Variants in USP48 observed in about 807,000 individuals in gnomAD.
USP48 encodes ubiquitin carboxyl-terminal hydrolase 48.
Under a neutral mutation model 150.7 loss-of-function variants are expected in USP48, and 43 were observed. That is an observed-to-expected ratio of 0.29 (90% CI 0.22 to 0.37). The LOEUF is 0.37. Among genes scored for constraint, USP48 ranks in the 10% least tolerant of loss-of-function variants. USP48 has a pLI of 1.00. For synonymous variants in USP48, 396 were observed against 425.9 expected (o/e 0.93, Z 0.86); for missense variants, 813 against 1,249.6 (o/e 0.65, Z 5.27).
At chr1:21,680,741 T>C (rs1469256983) in intron 26 of USP48, 67 bp downstream of exon 26, 2 of 1,436,572 alleles carry the variant, frequency 1.4e-6, no homozygotes, top group African/African-American at 3.0e-5. Flanking sequence ...ATTATAGCCT[T>C]CGCTTTAACA....
At chr1:21,719,423 G>A (rs1216206177) in intron 14 of USP48, among the ~76,000 whole-genome samples, 3 of 151,952 alleles carry the variant, frequency 2.0e-5, no homozygotes, top group Non-Finnish European at 4.4e-5. Flanking sequence ...GAGATAGGAA[G>A]ATCAATACCA....
chr1:21,753,107 T>C lies in USP48; in HGVS notation c.425A>G (p.Gln142Arg). 3 of 1,606,126 alleles carry C rather than the reference T, an allele frequency of 1.9e-6. No individual in the cohort carries two copies. In the South Asian group the frequency reaches 3.4e-5, roughly 18 times the overall value. Residue 142 changes from glutamine to arginine, a missense_variant, in exon 4 of 27, where the codon CAA (glutamine) becomes CGA (arginine). Coordinates refer to ENST00000308271, the MANE Select transcript of USP48 (RefSeq NM_032236.8). ...GIQEEKDYEP[Q>R]TICEHLQYLF... ...GTACTGGAGATGCTCACAAATTGTTTGAGGCTCATAATCTATTAAAACAAA... is the reference window on the plus strand; with the variant it reads ...GTACTGGAGATGCTCACAAATTGTTCGAGGCTCATAATCTATTAAAACAAA...
At position 21,782,947 on chromosome 1, in the gene USP48, C is replaced by T; in HGVS notation, c.11G>A (p.Arg4Gln). 1 of 1,545,232 alleles carries T rather than the reference C, an allele frequency of 6.5e-7. No individual in the cohort carries two copies. The highest frequency in any genetic ancestry group is 1.4e-5 in the African/African-American group (1 of 72,060). Residue 4 changes from arginine to glutamine, a missense_variant, in exon 1 of 27, where the codon CGG (arginine) becomes CAG (glutamine). Transcript: ENST00000308271. MAP[R>Q]LQLEKAAWRW... is the part of the protein sequence containing the mutation. Reference sequence around the variant, plus strand: ...CCAGGCCGCCTTCTCCAGCTGCAGCCGCGGGGCCATGGCCTTGGCCCCAGG... The same window carrying T: ...CCAGGCCGCCTTCTCCAGCTGCAGCTGCGGGGCCATGGCCTTGGCCCCAGG...
intron 8 of USP48, among the ~76,000 whole-genome samples, chr1:21,743,987 C>T (rs2097788008): frequency 6.6e-6 from 1 of 152,064 alleles, no homozygotes; most frequent in Admixed American, 6.6e-5. Flanking sequence ...GGAGCGTCTA[C>T]AAAAGAATCT....
At chr1:21,741,200 A>C (rs1334968766) in intron 8 of USP48, among the ~76,000 whole-genome samples, 1 of 152,238 alleles carries the variant, frequency 6.6e-6, no homozygotes, top group African/African-American at 2.4e-5. Flanking sequence ...ACCAGAAAAG[A>C]TTTTTAAAGA....
At chr1:21,757,529 A>C (rs2097839971) in intron 2 of USP48, 134 bp downstream of exon 2, 1 of 939,156 alleles carries the variant, frequency 1.1e-6, no homozygotes. Flanking sequence ...TTAGAGTCTT[A>C]AGTTCTACTG....
At chr1:21,771,684 C>T (rs1183759364) in intron 1 of USP48, among the ~76,000 whole-genome samples, 1 of 151,888 alleles carries the variant, frequency 6.6e-6, no homozygotes, top group Non-Finnish European at 1.5e-5. Context: ...CTTTGGGAGG[C>T]GAAGGCAGGC....
At chr1:21,737,360 ATCTAG>A (rs2097771001) in intron 8 of USP48, among the ~76,000 whole-genome samples, 1 of 152,234 alleles carries the variant, frequency 6.6e-6, no homozygotes, top group South Asian at 2.1e-4. Context: ...AACTTAAAAA[ATCTAG>A]AATGATACTG....
intron 24 of USP48, among the ~76,000 whole-genome samples, chr1:21,688,479 A>G (rs1417488820): frequency 1.3e-5 from 2 of 151,530 alleles, no homozygotes; most frequent in African/African-American, 4.8e-5. Flanking sequence ...TCAACCTCCC[A>G]AAGTGTTAGG....
chr1:21,689,143 C>A (rs1489649561), intron 24 of USP48, among the ~76,000 whole-genome samples: 1 of 150,108 alleles, frequency 6.7e-6, no homozygotes, highest in Non-Finnish European at 1.5e-5. Context: ...AAAATCTCAG[C>A]AGAGATAGAT....
At chr1:21,726,734 C>G (rs1299277552) in intron 11 of USP48, among the ~76,000 whole-genome samples, 1 of 152,138 alleles carries the variant, frequency 6.6e-6, no homozygotes, top group Non-Finnish European at 1.5e-5. Context: ...GAAAAAGACT[C>G]TAAGTAGGCC....
At chr1:21,688,170 T>C (rs185059044) in intron 24 of USP48, among the ~76,000 whole-genome samples, 1 of 152,266 alleles carries the variant, frequency 6.6e-6, no homozygotes, top group East Asian at 1.9e-4. Context: ...GCGACTAAGT[T>C]AGGCCCTTAG....
At chr1:21,782,094 C>T (rs1467879614) in intron 1 of USP48, 1 of 152,180 alleles carries the variant, frequency 6.6e-6, no homozygotes, top group Admixed American at 6.6e-5. Flanking sequence ...TTGGCCAAGT[C>T]AATTTCAACA....
intron 24 of USP48, among the ~76,000 whole-genome samples, chr1:21,688,023 G>A (rs1440108920): frequency 1.3e-5 from 2 of 152,154 alleles, no homozygotes; most frequent in Admixed American, 6.5e-5. Context: ...ACCAGAACGG[G>A]GGCTCCAAGG....
chr1:21,751,444 G>C, intron 6 of USP48, 63 bp downstream of exon 6: 1 of 1,223,864 alleles, frequency 8.2e-7, no homozygotes. Context: ...AAACAGAATA[G>C]CATTCAGAAC....
chr1:21,708,210 T>A (rs1209137754), intron 15 of USP48, among the ~76,000 whole-genome samples: 1 of 150,878 alleles, frequency 6.6e-6, no homozygotes, highest in Admixed American at 6.6e-5. Context: ...AAAACAAAAC[T>A]AGGTCTGAGG....
At chr1:21,732,361 G>T (rs1186921146) in intron 9 of USP48, among the ~76,000 whole-genome samples, 2 of 152,074 alleles carry the variant, frequency 1.3e-5, no homozygotes, top group East Asian at 3.8e-4. Context: ...TTCTAAAATG[G>T]ATCTGCCTCA....
At chr1:21,685,305 T>C (rs1165742656) in intron 25 of USP48, among the ~76,000 whole-genome samples, 2 of 151,884 alleles carry the variant, frequency 1.3e-5, no homozygotes, top group African/African-American at 2.4e-5. Context: ...TTTGTAGCTA[T>C]TATTATTGGA....
At chr1:21,748,336 T>C in intron 6 of USP48, 65 bp from the exon 7 acceptor site, 1 of 1,424,410 alleles carries the variant, frequency 7.0e-7, no homozygotes, top group South Asian at 1.3e-5. Context: ...GATAAAACCC[T>C]TGATGTAAAG....
Sources: gnomAD v4.1 joint callset for allele counts (sites outside exome capture counted in the v4.1 genomes callset) on GRCh38, gnomAD v4.1.1 for gene constraint, MANE v1.5 for transcripts, NCBI Gene and HGNC (gene_info 2026-07-23, HGNC 2026-07-21) for gene names.